Variants in MIPEP observed in about 807,000 individuals in gnomAD.
The protein encoded by MIPEP is mitochondrial intermediate peptidase.
MIPEP carries 79 observed loss-of-function variants against 90.3 expected under a neutral mutation model. That is an observed-to-expected ratio of 0.87 (90% CI 0.73 to 1.05). The LOEUF (loss-of-function observed/expected upper bound fraction) is 1.05. MIPEP is among the 50% of genes least tolerant of loss of function. The pLI is 0.00. For missense variants in MIPEP, 940 were observed against 905.6 expected, an observed-to-expected ratio of 1.04 and a Z score of -0.49; for synonymous variants, 334 against 315.8, an observed-to-expected ratio of 1.06 and a Z score of -0.61.
At chr13:23,838,063 C>T (rs1021776617) in intron 12 of MIPEP, among the ~76,000 whole-genome samples, 3 of 152,302 alleles carry the variant, frequency 2.0e-5, no homozygotes, top group East Asian at 3.9e-4. Flanking sequence ...AAAGAACTTA[C>T]GAAGGGACAC....
At chr13:23,860,134 CAGAGGACAGT>C (rs1870225766) in intron 9 of MIPEP, among the ~76,000 whole-genome samples, 1 of 152,222 alleles carries the variant, frequency 6.6e-6, no homozygotes, top group Non-Finnish European at 1.5e-5. Context: ...ACTCAACAAT[CAGAGGACAGT>C]ATGTCATGTC....
At chr13:23,878,189 G>C (rs1871145070) in intron 4 of MIPEP, among the ~76,000 whole-genome samples, 1 of 152,162 alleles carries the variant, frequency 6.6e-6, no homozygotes, top group African/African-American at 2.4e-5. Flanking sequence ...ACAATTAATA[G>C]GCATTCGACT....
chr13:23,800,574 G>GTCC (rs752474967), intron 16 of MIPEP, among the ~76,000 whole-genome samples: 9 of 152,280 alleles, frequency 5.9e-5, no homozygotes, highest in Admixed American at 2.0e-4. Flanking sequence ...GGAATAGCAA[G>GTCC]TAAGTACAAA....
chr13:23,800,933 C>T (rs1593161992), intron 16 of MIPEP, among the ~76,000 whole-genome samples: 1 of 152,168 alleles, frequency 6.6e-6, no homozygotes, highest in Non-Finnish European at 1.5e-5. Flanking sequence ...ACTAGTGCGA[C>T]ACTTTATTCC....
chr13:23,802,698 T>TTTTTTTTTTTTTTTTTTTGAG (rs1953058257), intron 16 of MIPEP, among the ~76,000 whole-genome samples: 3 of 152,104 alleles, frequency 2.0e-5, no homozygotes, highest in African/African-American at 7.3e-5. Context: ...AAAGATTTTT[T>TTTTTTTTTTTTTTTTTTTGAG]AACTTTAAGA....
intron 14 of MIPEP, among the ~76,000 whole-genome samples, chr13:23,811,681 T>C (rs1953173084): frequency 6.6e-6 from 1 of 152,204 alleles, no homozygotes; most frequent in Non-Finnish European, 1.5e-5. Flanking sequence ...TTGTGGAACC[T>C]AAAGAACTGG....
intron 14 of MIPEP, among the ~76,000 whole-genome samples, chr13:23,816,762 A>G (rs561996743): frequency 3.3e-5 from 5 of 152,280 alleles, no homozygotes; most frequent in African/African-American, 4.8e-5. Context: ...TACAACACGG[A>G]GGAAGCCTGT....
chr13:23,837,797 G>A, intron 12 of MIPEP, 41 bp from the exon 13 acceptor site: 2 of 1,512,130 alleles, frequency 1.3e-6, no homozygotes, highest in Non-Finnish European at 1.8e-6. Flanking sequence ...GAAAGTATTT[G>A]GTAATGTGAA....
intron 16 of MIPEP, among the ~76,000 whole-genome samples, chr13:23,782,124 C>A (rs1296195487): frequency 6.6e-6 from 1 of 152,194 alleles, no homozygotes; most frequent in Non-Finnish European, 1.5e-5. Flanking sequence ...ACCTACAGAA[C>A]TCTCCACCCC....
At chr13:23,731,700 T>C (rs1381805301) in intron 18 of MIPEP, among the ~76,000 whole-genome samples, 1 of 152,142 alleles carries the variant, frequency 6.6e-6, no homozygotes, top group Admixed American at 6.5e-5. Flanking sequence ...CAAATGATAG[T>C]TGGAAAAAAT....
At chr13:23,818,262 A>T (rs1953264938) in intron 14 of MIPEP, among the ~76,000 whole-genome samples, 1 of 151,986 alleles carries the variant, frequency 6.6e-6, no homozygotes, top group Non-Finnish European at 1.5e-5. Context: ...ACTTAAAAAA[A>T]AAAAAAAATT....
chr13:23,869,426 A>C lies in MIPEP; in HGVS notation c.809T>G (p.Ile270Ser). 1 of 1,603,954 alleles carries C rather than the reference A, an allele frequency of 6.2e-7. No individual in the cohort carries two copies. The highest frequency in any genetic ancestry group is 8.5e-7 in the Non-Finnish European group (1 of 1,177,624). The change falls in exon 7 of 19, where the codon ATT becomes AGT. Residue 270 changes from isoleucine to serine, a missense_variant. Coordinates refer to ENST00000382172, the MANE Select transcript of MIPEP (RefSeq NM_005932.4). ...DDLVREAAYK[I>S]FLYPNAGQLK... ...TTGACCAGCATTGGGATAAAGAAAA[A>C]TTTTATAAGCAGCTTCTCGCACCTA...
chr13:23,818,979 T>C (rs1000010211), intron 14 of MIPEP, among the ~76,000 whole-genome samples: 3 of 152,224 alleles, frequency 2.0e-5, no homozygotes, highest in Non-Finnish European at 4.4e-5. Context: ...AGACCTGACC[T>C]GGACAAATGT....
chr13:23,804,047 C>T (rs1593163738), intron 16 of MIPEP, among the ~76,000 whole-genome samples: 1 of 152,130 alleles, frequency 6.6e-6, no homozygotes. Context: ...ACAAGGCACA[C>T]GGACTTAGCA....
At chr13:23,854,868 G>A (rs1869980573) in intron 10 of MIPEP, among the ~76,000 whole-genome samples, 1 of 150,700 alleles carries the variant, frequency 6.6e-6, no homozygotes, top group South Asian at 2.1e-4. Context: ...CTCCAGCCTG[G>A]GCAACAGAGG....
chr13:23,870,106 C>T lies in MIPEP; in HGVS notation c.693G>A (p.Lys231=). Reference sequence around the variant, plus strand: ...GACGAATGTGTTCTGGTAAGAGATGCTTCTCAATCTTGTTGGGAAAATTGG... The same window carrying T: ...GACGAATGTGTTCTGGTAAGAGATGTTTCTCAATCTTGTTGGGAAAATTGG... The part of the protein sequence containing the change: ...MGTNFPNKIE[K]HLLPEHIRRN... Residue 231 remains lysine, a synonymous_variant, in exon 6 of 19, where the codon AAG becomes AAA. Coordinates refer to ENST00000382172, the MANE Select transcript of MIPEP (RefSeq NM_005932.4). The T allele has an allele frequency of 1.2e-6, 2 of 1,612,508 alleles. No individual in the cohort carries two copies. The highest frequency in any genetic ancestry group is 1.7e-6 in the Non-Finnish European group (2 of 1,179,168).
intron 1 of MIPEP, chr13:23,888,897 T>C (rs554616933): frequency 2.7e-5 from 15 of 550,986 alleles, no homozygotes; most frequent in African/African-American, 2.3e-4. Flanking sequence ...AAGGGGCTCA[T>C]GCAGAAGCAG....
intron 9 of MIPEP, among the ~76,000 whole-genome samples, chr13:23,860,843 TGATTGG>T (rs113347808): frequency 0.94 from 142,832 of 152,046 alleles, 67,120 homozygotes; most frequent in East Asian, 1. Context: ...GTGAGAATAA[TGATTGG>T]GATCATAGCC....
At chr13:23,815,893 T>C (rs1953228773) in intron 14 of MIPEP, among the ~76,000 whole-genome samples, 1 of 152,188 alleles carries the variant, frequency 6.6e-6, no homozygotes. Context: ...GTTTTTCATC[T>C]GCGGGTTCTA....
Sources: gnomAD v4.1 joint callset for allele counts (sites outside exome capture counted in the v4.1 genomes callset) on GRCh38, gnomAD v4.1.1 for gene constraint, MANE v1.5 for transcripts, NCBI Gene and HGNC (gene_info 2026-07-23, HGNC 2026-07-21) for gene names.